The following SF3B1 variants were observed in gnomAD, a reference collection of about 807,000 sequenced individuals.
The protein encoded by SF3B1 is pre-mRNA processing 10.
In SF3B1, 12 loss-of-function variants were observed where a neutral mutation model predicts 153.8. That is an observed-to-expected ratio of 0.08 (90% CI 0.05 to 0.13). The LOEUF (loss-of-function observed/expected upper bound fraction) is 0.13, where lower values mean the gene tolerates loss of function less well. Among genes scored for constraint, SF3B1 ranks in the 10% least tolerant of loss-of-function variants. The pLI is 1.00. For synonymous variants in SF3B1, 498 were observed against 525.2 expected (o/e 0.95, Z 0.71); for missense variants, 513 against 1,606.1 (o/e 0.32, Z 11.63).
In SF3B1 at chr2:197,400,016, A is replaced by T. The variant is rs1344032487; in HGVS notation, c.3013+39T>A. 5.2e-6 allele frequency: 7 copies of T among 1,343,800 alleles called. No homozygotes were observed. The highest frequency in any genetic ancestry group is 7.3e-6 in the Non-Finnish European group (7 of 959,224). 83.2% of individuals were successfully genotyped at this position (1,343,800 alleles called of 1,614,324 possible). ...GAAAAAAAAAAGAAAAAGAAAGTTA[A>T]AACAAGAAAAAGTCTTATGTAACCA... is the stretch of plus-strand genomic sequence containing the variant. On this transcript the variant is annotated intron_variant, in intron 20 of 24. Transcript: ENST00000335508. This position sits in a 1 kb window ranked among gnomAD's most constrained non-coding sequence, Gnocchi z 5.0.
In SF3B1 at chr2:197,415,253, T is replaced by G. The variant is rs1007653422; in HGVS notation, c.666+1488A>C. Among the ~76,000 whole-genome samples, 8 of 151,098 alleles carry G rather than the reference T, an allele frequency of 5.3e-5. No individual in the cohort carries two copies. The East Asian group carries it at 1.5e-3, about 29-fold the overall frequency. Reference sequence around the variant, plus strand: ...GCATAAGCAAAAGAGTAGCTTTAATTATTTATTTATTTATTTTGAGACAAA... The same window carrying G: ...GCATAAGCAAAAGAGTAGCTTTAATGATTTATTTATTTATTTTGAGACAAA... On this transcript the variant is annotated intron_variant, in intron 6 of 24. Coordinates refer to ENST00000335508, the MANE Select transcript of SF3B1 (RefSeq NM_012433.4).
At chr2:197,417,588 A>AG (rs1292414068) in intron 5 of SF3B1, among the ~76,000 whole-genome samples, 2 of 150,936 alleles carry the variant, frequency 1.3e-5, no homozygotes, top group East Asian at 1.9e-4. Context: ...AAAAAAAAAA[A>AG]AAAAAAAGAA....
At chr2:197,417,898 T>C (rs955518195) in intron 5 of SF3B1, among the ~76,000 whole-genome samples, 22 of 152,050 alleles carry the variant, frequency 1.4e-4, no homozygotes, top group African/African-American at 4.6e-4. Flanking sequence ...TTCCCTAACA[T>C]ACTGAGTTCA....
intron 6 of SF3B1, among the ~76,000 whole-genome samples, chr2:197,412,970 C>CAAA (rs779446735): frequency 6.8e-4 from 31 of 45,490 alleles, no homozygotes; most frequent in South Asian, 9.5e-4. Flanking sequence ...ACTGTTGTCT[C>CAAA]AAAAAAAAAA....
chr2:197,421,896 G>A (rs1170526309), intron 2 of SF3B1, among the ~76,000 whole-genome samples: 1 of 152,138 alleles, frequency 6.6e-6, no homozygotes, highest in Non-Finnish European at 1.5e-5. Flanking sequence ...TGGGAAAATT[G>A]CTTGATCTCG....
intron 22 of SF3B1, among the ~76,000 whole-genome samples, chr2:197,397,215 T>G (rs908318368): frequency 2.0e-5 from 3 of 152,140 alleles, no homozygotes; most frequent in Non-Finnish European, 2.9e-5. Context: ...GTCGCCCAGG[T>G]GCCCAGATGC....
intron 2 of SF3B1, among the ~76,000 whole-genome samples, chr2:197,423,039 T>C (rs763296089): frequency 5.3e-5 from 8 of 151,988 alleles, no homozygotes; most frequent in Non-Finnish European, 1.2e-4. Flanking sequence ...TGAAAGGCAG[T>C]CCTCCTCCAT....
chr2:197,432,688 G>A (rs1663870963), intron 1 of SF3B1, among the ~76,000 whole-genome samples: 1 of 152,138 alleles, frequency 6.6e-6, no homozygotes, highest in African/African-American at 2.4e-5. Flanking sequence ...TGGCCAACAT[G>A]GCGAAACCCT....
Position 197,421,151 on chromosome 2 carries a change from C to CA in SF3B1, c.196-19dup. On this transcript the variant is annotated intron_variant, in intron 2 of 24. Coordinates refer to ENST00000335508, the MANE Select transcript of SF3B1 (RefSeq NM_012433.4). ...TCGTCATCCTGCAATGAAAACCCCC[C>CA]AAAAAGCCATAAACAAAATGTTAGA... The CA allele has an allele frequency of 6.6e-7, 1 of 1,508,690 alleles. No individual in the cohort carries two copies. The highest frequency in any genetic ancestry group is 2.3e-5 in the East Asian group (1 of 44,154). 93.5% of individuals were successfully genotyped at this position (1,508,690 alleles called of 1,614,324 possible).
In SF3B1 at chr2:197,391,589, C is replaced by T. The variant is rs1199641767; in HGVS notation, c.*714G>A. 2 of 152,248 alleles carry T rather than the reference C, an allele frequency of 1.3e-5. No individual in the cohort carries two copies. The highest frequency in any genetic ancestry group is 2.9e-5 in the Non-Finnish European group (2 of 68,042). The allele number at this position is 152,248 out of a possible 1,614,324, so 9.4% of individuals were successfully genotyped here. The stretch of plus-strand genomic sequence containing the variant: ...AGTTAAATTCCTCACTTGCTAAACA[C>T]AGCAGACCTGTCAAGTGTTGGACAA... On this transcript the variant is annotated 3_prime_UTR_variant, in exon 25 of 25. Transcript: ENST00000335508.
intron 6 of SF3B1, among the ~76,000 whole-genome samples, chr2:197,410,573 T>C (rs1238710428): frequency 1.3e-5 from 2 of 149,286 alleles, no homozygotes; most frequent in Non-Finnish European, 3.0e-5. Flanking sequence ...GGGCATGATC[T>C]TGGCTCACAG....
At chr2:197,419,126 A>G (rs2085200516) in intron 4 of SF3B1, 1 of 566,848 alleles carries the variant, frequency 1.8e-6, no homozygotes. Context: ...AAATATACCT[A>G]TAATCTTATT....
At chr2:197,414,398 A>G (rs192690519) in intron 6 of SF3B1, among the ~76,000 whole-genome samples, 2 of 152,278 alleles carry the variant, frequency 1.3e-5, no homozygotes, top group East Asian at 3.9e-4. Flanking sequence ...ACTCAGCACT[A>G]CTATAACACC....
At chr2:197,434,605 CA>C (rs1467115240) in intron 1 of SF3B1, among the ~76,000 whole-genome samples, 2 of 152,236 alleles carry the variant, frequency 1.3e-5, no homozygotes, top group Non-Finnish European at 2.9e-5. Context: ...CTCTTCTGCA[CA>C]AACTATGGGG....
chr2:197,399,090 G>A (rs745385667), intron 20 of SF3B1: 1 of 1,293,202 alleles, frequency 7.7e-7, no homozygotes, highest in Non-Finnish European at 1.0e-6. Flanking sequence ...GCTCTAACTA[G>A]AATCACTTGC....
Position 197,404,199 on chromosome 2 carries a change from T to G in SF3B1, c.1540-435A>C, listed in dbSNP as rs927205352. ...CAAAGAATTTTGTGCTAACTCCAGC[T>G]GGGCACGGTGGCTCACACCTGTAAT... On this transcript the variant is annotated intron_variant, in intron 11 of 24. Coordinates refer to ENST00000335508, the MANE Select transcript of SF3B1 (RefSeq NM_012433.4). Among the ~76,000 whole-genome samples the G allele has an allele frequency of 9.8e-5, 15 of 152,298 alleles. No individual in the cohort carries two copies. In the East Asian group the frequency reaches 2.9e-3, roughly 29 times the overall value.
Position 197,400,205 on chromosome 2 carries a change from C to T in SF3B1, c.2902-39G>A, listed in dbSNP as rs1159060678. On this transcript the variant is annotated intron_variant, in intron 19 of 24. Coordinates refer to ENST00000335508, the MANE Select transcript of SF3B1 (RefSeq NM_012433.4). The surrounding 1 kb of genome is among the most constrained non-coding windows in gnomAD (Gnocchi z 5.0). Reference sequence around the variant, plus strand: ...AATAATGTTAAAATGTTACTATTTACATTAAACTATTTGGGGAAGAAGTAA... The same window carrying T: ...AATAATGTTAAAATGTTACTATTTATATTAAACTATTTGGGGAAGAAGTAA... 1 of 1,609,758 alleles carries T rather than the reference C, an allele frequency of 6.2e-7. No individual in the cohort carries two copies. The highest frequency in any genetic ancestry group is 2.2e-5 in the East Asian group (1 of 44,836).
intron 2 of SF3B1, among the ~76,000 whole-genome samples, chr2:197,422,919 A>G (rs899180787): frequency 6.6e-6 from 1 of 152,190 alleles, no homozygotes; most frequent in African/African-American, 2.4e-5. Context: ...ATATACATAA[A>G]ATAAAATTTA....
At chr2:197,420,308 T>C (rs2085219508) in intron 4 of SF3B1, 120 bp downstream of exon 4, 1 of 698,180 alleles carries the variant, frequency 1.4e-6, no homozygotes, top group Admixed American at 2.4e-5. Flanking sequence ...AAATCTATAG[T>C]AAGGGGGATT....
Sources: gnomAD v4.1 joint callset for allele counts (sites outside exome capture counted in the v4.1 genomes callset) on GRCh38, gnomAD v4.1.1 for gene constraint, Gnocchi (gnomAD v3.1) non-coding constraint, MANE v1.5 for transcripts, NCBI Gene and HGNC (gene_info 2026-07-23, HGNC 2026-07-21) for gene names.